The following EML5 variants were observed in gnomAD, a reference collection of about 807,000 sequenced individuals.
The protein encoded by EML5 is echinoderm microtubule-associated protein-like 5.
EML5 carries 120 observed loss-of-function variants against 250.0 expected under a neutral mutation model. The ratio of observed to expected loss-of-function variants is 0.48; its 90% confidence interval spans 0.41 to 0.56. EML5 has a LOEUF of 0.56. Ranked by LOEUF, EML5 falls within the 20% of genes least tolerant of loss-of-function variation. The probability of loss-of-function intolerance (pLI) is 0.00; values close to 1 mark genes in which losing one functional copy is unlikely to be tolerated. For missense variants in EML5, 2,006 were observed against 2,437.6 expected (o/e 0.82, Z 3.73); for synonymous variants, 771 against 806.5 (o/e 0.96, Z 0.75).
intron 8 of EML5, among the ~76,000 whole-genome samples, chr14:88,719,301 G>A (rs958898489): frequency 5.4e-5 from 8 of 149,064 alleles, no homozygotes; most frequent in African/African-American, 9.8e-5. Flanking sequence ...TGGGAGGATC[G>A]CTTGAGCCCA....
chr14:88,690,823 G>A (rs1016738073), intron 17 of EML5, among the ~76,000 whole-genome samples: 1 of 152,186 alleles, frequency 6.6e-6, no homozygotes, highest in African/African-American at 2.4e-5. Flanking sequence ...AAAGAATCTA[G>A]TGCACAAATG....
chr14:88,618,082 C>G (rs2088034305), intron 41 of EML5, 146 bp downstream of exon 41: 2 of 519,986 alleles, frequency 3.8e-6, no homozygotes, highest in Non-Finnish European at 3.3e-6. Flanking sequence ...GGGGTCCCAA[C>G]ATGAACATAC....
At chr14:88,752,499 C>T (rs2094110780) in intron 2 of EML5, among the ~76,000 whole-genome samples, 1 of 152,122 alleles carries the variant, frequency 6.6e-6, no homozygotes, top group South Asian at 2.1e-4. Flanking sequence ...AATTGCCAAA[C>T]ACTGCTATAT....
At chr14:88,618,401 G>C (rs1172317782) in intron 40 of EML5, 70 bp from the exon 41 acceptor site, 1 of 1,346,768 alleles carries the variant, frequency 7.4e-7, no homozygotes, top group Non-Finnish European at 1.1e-6. Context: ...GGGGTTTACA[G>C]AATACTAGCA....
chr14:88,628,037 C>T (rs2090145090), intron 33 of EML5: 2 of 586,718 alleles, frequency 3.4e-6, no homozygotes, highest in South Asian at 1.7e-5. Flanking sequence ...AACACTTCTT[C>T]AGGCCATATT....
At chr14:88,704,045 T>C (rs1158700491) in intron 13 of EML5, among the ~76,000 whole-genome samples, 1 of 152,180 alleles carries the variant, frequency 6.6e-6, no homozygotes, top group East Asian at 1.9e-4. Context: ...GGTAGGTACT[T>C]GATATGATTC....
chr14:88,710,728 T>C (rs1051996406), intron 10 of EML5, among the ~76,000 whole-genome samples: 1 of 151,718 alleles, frequency 6.6e-6, no homozygotes, highest in African/African-American at 2.4e-5. Flanking sequence ...TACTAGAAAA[T>C]AAATTACTAA....
intron 14 of EML5, among the ~76,000 whole-genome samples, chr14:88,701,668 A>T (rs572120258): frequency 6.6e-6 from 1 of 152,164 alleles, no homozygotes; most frequent in Non-Finnish European, 1.5e-5. Flanking sequence ...ATGCAAGTTG[A>T]TCCCTTTTCC....
At chr14:88,725,062 A>AT (rs1049157713) in intron 8 of EML5, among the ~76,000 whole-genome samples, 7 of 152,238 alleles carry the variant, frequency 4.6e-5, no homozygotes, top group East Asian at 3.9e-4. Flanking sequence ...TGTTATATTC[A>AT]TTTTTTTAAA....
Position 88,620,702 on chromosome 14 carries a change from T to C in EML5, c.5375+52A>G, listed in dbSNP as rs2088735823. 3.6e-6 allele frequency: 5 copies of C among 1,393,322 alleles called. No homozygotes were observed. Among genetic ancestry groups the C allele is most frequent in the Admixed American group, 2.9e-5 (1 of 33,950 alleles). 86.3% of individuals were successfully genotyped at this position (1,393,322 alleles called of 1,614,324 possible). Reference sequence around the variant, plus strand: ...GCAAGGCTATGGAAAATTTTACAAATGGAAGTTAAATCAAGTATATACTAG... The same window carrying C: ...GCAAGGCTATGGAAAATTTTACAAACGGAAGTTAAATCAAGTATATACTAG... On this transcript the variant is annotated intron_variant, in intron 39 of 43. Transcript: ENST00000554922. The surrounding 1 kb of genome is among the most constrained non-coding windows in gnomAD (Gnocchi z 4.3).
chr14:88,786,046 A>G (rs1251955909), intron 1 of EML5, among the ~76,000 whole-genome samples: 4 of 152,138 alleles, frequency 2.6e-5, no homozygotes, highest in Non-Finnish European at 5.9e-5. Context: ...CCACACTAAC[A>G]TTCTTACTAT....
At chr14:88,713,619 A>ATT (rs71130004) in intron 9 of EML5, among the ~76,000 whole-genome samples, 2 of 130,238 alleles carry the variant, frequency 1.5e-5, no homozygotes, top group Admixed American at 7.8e-5. Context: ...CAACCTGCTC[A>ATT]TTTTTTTTTT....
chr14:88,715,037 C>A lies in EML5; in HGVS notation c.1346G>T (p.Gly449Val). 6.2e-7 allele frequency: 1 copy of A among 1,613,850 alleles called. No homozygotes were observed. Among genetic ancestry groups the A allele is most frequent in the Non-Finnish European group, 8.5e-7 (1 of 1,179,842 alleles). ...QRYKKVGECLGSLSFITHLDW... is the reference protein window; with the variant it reads ...QRYKKVGECLVSLSFITHLDW... The stretch of plus-strand genomic sequence containing the variant: ...CAGATGAGTGATGAAACTAAGGGAT[C>A]CCAAACACTCGCCAACTTTTTTATA... Residue 449 changes from glycine to valine, a missense_variant, in exon 9 of 44, where the codon GGA (glycine) becomes GTA (valine). By Grantham distance (109) the Gly-to-Val change is moderately radical. Coordinates refer to ENST00000554922, the MANE Select transcript of EML5 (RefSeq NM_183387.3).
rs1032284110 is a variant in EML5 at position 88,763,249 on chromosome 14, G to C, written c.198-8578C>G. Among the ~76,000 whole-genome samples the C allele has an allele frequency of 1.3e-4, 19 of 151,824 alleles. 1 individual carries two copies. Among genetic ancestry groups the C allele is most frequent in the Admixed American group, 9.8e-4 (15 of 15,258 alleles). On this transcript the variant is annotated intron_variant, in intron 1 of 43. Transcript: ENST00000554922. Reference sequence around the variant, plus strand: ...TTTTGAAAAGATAACAAAATAGATAGACAGCTAGCAAGACTAATAAAGAAG... The same window carrying C: ...TTTTGAAAAGATAACAAAATAGATACACAGCTAGCAAGACTAATAAAGAAG...
chr14:88,638,391 CT>C (rs145779956), intron 32 of EML5, among the ~76,000 whole-genome samples: 1,607 of 152,312 alleles, frequency 0.011, 27 homozygotes, highest in African/African-American at 0.037. Flanking sequence ...GTCCTCTCTT[CT>C]TTCCAGCCTG....
chr14:88,707,553 T>C (rs1566671944), intron 10 of EML5, among the ~76,000 whole-genome samples: 2 of 152,088 alleles, frequency 1.3e-5, no homozygotes, highest in African/African-American at 4.8e-5. Context: ...TTTAAACACT[T>C]TATATTAAGT....
intron 6 of EML5, among the ~76,000 whole-genome samples, chr14:88,737,712 A>G (rs2093865432): frequency 6.6e-6 from 1 of 152,090 alleles, no homozygotes; most frequent in Non-Finnish European, 1.5e-5. Context: ...TACATGAAAT[A>G]TTTGTCTTTT....
chr14:88,759,967 T>C (rs2094215988), intron 1 of EML5, among the ~76,000 whole-genome samples: 1 of 152,194 alleles, frequency 6.6e-6, no homozygotes, highest in Admixed American at 6.5e-5. Flanking sequence ...ACTACTCACA[T>C]GGACTAATTG....
intron 9 of EML5, 149 bp downstream of exon 9, chr14:88,714,790 T>G: frequency 4.7e-6 from 3 of 641,522 alleles, no homozygotes; most frequent in Non-Finnish European, 7.8e-6. Flanking sequence ...TATATTGTAT[T>G]ATATTGTAGA....
Sources: gnomAD v4.1 joint callset for allele counts (sites outside exome capture counted in the v4.1 genomes callset) on GRCh38, gnomAD v4.1.1 for gene constraint, Gnocchi (gnomAD v3.1) non-coding constraint, MANE v1.5 for transcripts, NCBI Gene and HGNC (gene_info 2026-07-23, HGNC 2026-07-21) for gene names.